The following PALM variants were observed in gnomAD, a reference collection of about 807,000 sequenced individuals.
PALM encodes the protein paralemmin.
In PALM, 18 loss-of-function variants were observed where a neutral mutation model predicts 30.7. The ratio of observed to expected loss-of-function variants is 0.59; its 90% CI spans 0.41 to 0.87. The LOEUF is 0.87. Ranked by LOEUF, PALM falls within the 40% of genes least tolerant of loss-of-function variation. The pLI is 0.00. For synonymous variants in PALM, 286 were observed against 242.8 expected, an observed-to-expected ratio of 1.18 and a Z score of -1.66; for missense variants, 529 against 555.4, an observed-to-expected ratio of 0.95 and a Z score of 0.48.
chr19:720,304 C>T (rs1302805891), intron 1 of PALM, among the ~76,000 whole-genome samples: 4 of 149,836 alleles, frequency 2.7e-5, no homozygotes, highest in Non-Finnish European at 6.0e-5. Context: ...GGGGCGGCGG[C>T]GCCCGGGTCT....
At chr19:717,592 AC>A (rs1458021198) in intron 1 of PALM, among the ~76,000 whole-genome samples, 3 of 151,522 alleles carry the variant, frequency 2.0e-5, no homozygotes, top group Non-Finnish European at 4.4e-5. Context: ...ATCTGTAGTT[AC>A]CCCCCGAGAT....
chr19:716,366 C>T (rs1019812117), intron 1 of PALM, among the ~76,000 whole-genome samples: 6 of 151,482 alleles, frequency 4.0e-5, no homozygotes, highest in African/African-American at 7.3e-5. Context: ...GCCGAGATTG[C>T]GCCACTGCCC....
At chr19:720,128 G>T (rs1174184040) in intron 1 of PALM, among the ~76,000 whole-genome samples, 1 of 151,698 alleles carries the variant, frequency 6.6e-6, no homozygotes, top group African/African-American at 2.4e-5. Flanking sequence ...GCCCGTCTAG[G>T]CCGCCCCAGG....
At chr19:721,961 C>A (rs554969714) in intron 1 of PALM, among the ~76,000 whole-genome samples, 47 of 152,036 alleles carry the variant, frequency 3.1e-4, no homozygotes, top group African/African-American at 1.1e-3. Context: ...CTCTGTCGCC[C>A]AGGCTGGAGT....
At chr19:710,996 C>T (rs1324096312) in intron 1 of PALM, among the ~76,000 whole-genome samples, 3 of 152,258 alleles carry the variant, frequency 2.0e-5, no homozygotes, top group African/African-American at 4.8e-5. Flanking sequence ...TCGCTTGCCT[C>T]CTCCCGTTTC....
chr19:717,659 T>C (rs1027005353), intron 1 of PALM, among the ~76,000 whole-genome samples: 5 of 150,942 alleles, frequency 3.3e-5, no homozygotes, highest in Non-Finnish European at 5.9e-5. Context: ...TTTACATAAG[T>C]GTAAGTCGTG....
chr19:743,966 G>A (rs866953238), intron 8 of PALM, among the ~76,000 whole-genome samples: 15 of 152,204 alleles, frequency 9.9e-5, no homozygotes, highest in South Asian at 6.2e-4. Context: ...CTGCCAAGGA[G>A]GTTTTAGGAC....
intron 4 of PALM, among the ~76,000 whole-genome samples, chr19:729,618 A>G (rs1309439711): frequency 1.3e-5 from 2 of 151,624 alleles, no homozygotes; most frequent in African/African-American, 4.9e-5. Flanking sequence ...GGTGCCCGCC[A>G]CGCCTGGCTA....
chr19:743,285 G>T (rs768171441), intron 8 of PALM, among the ~76,000 whole-genome samples: 4 of 152,122 alleles, frequency 2.6e-5, no homozygotes, highest in African/African-American at 9.7e-5. Context: ...CTCGTCTTCC[G>T]GATGAGGTCC....
chr19:719,767 G>A (rs2032395819), intron 1 of PALM: 2 of 418,172 alleles, frequency 4.8e-6, no homozygotes, highest in Non-Finnish European at 6.4e-6. Context: ...CGCCTGGCGG[G>A]CCCCGCCCGC....
At chr19:726,985 A>AGCCCCCCCC in intron 2 of PALM, 23 bp from the exon 3 acceptor site, 27 of 945,350 alleles carry the variant, frequency 2.9e-5, no homozygotes, top group East Asian at 6.1e-5. Context: ...CCCATCCCTG[A>AGCCCCCCCC]CCCCACCCGG....
At chr19:713,681 C>T (rs1442213671) in intron 1 of PALM, among the ~76,000 whole-genome samples, 2 of 152,002 alleles carry the variant, frequency 1.3e-5, no homozygotes, top group East Asian at 1.9e-4. Context: ...TGGGTTCACG[C>T]GATTCTCATG....
intron 3 of PALM, 127 bp downstream of exon 3, chr19:727,215 AC>A: frequency 4.6e-6 from 3 of 651,410 alleles, no homozygotes; most frequent in Non-Finnish European, 5.3e-6. Context: ...TCCAGCCCTG[AC>A]CCTGACCCCG....
chr19:711,061 G>A (rs1280376263), intron 1 of PALM: 5 of 361,952 alleles, frequency 1.4e-5, no homozygotes, highest in African/African-American at 2.2e-5. Context: ...GGTGGTGCCC[G>A]TCTCGCTGGA....
rs142811759 is a variant in PALM, at chr19:723,838, C to T, written c.6-2300C>T. The stretch of plus-strand genomic sequence containing the variant: ...CTCGAACTTCCGACCTCAGGTAATC[C>T]GCTCGCATCGGCCTCCCAGAGCGCT... On this transcript the variant is annotated intron_variant, in intron 1 of 8. Transcript: ENST00000338448. Among the ~76,000 whole-genome samples the T allele has an allele frequency of 7.6e-4, 115 of 152,250 alleles. No individual in the cohort carries two copies. The Middle Eastern group carries it at 0.01, about 14-fold the overall frequency.
chr19:717,544 A>G (rs966871387), intron 1 of PALM, among the ~76,000 whole-genome samples: 7 of 152,044 alleles, frequency 4.6e-5, no homozygotes, highest in African/African-American at 1.7e-4. Context: ...GTTTACCCAC[A>G]CATCTGTGGA....
At chr19:719,701 C>T (rs2032392989) in intron 1 of PALM, 1 of 871,048 alleles carries the variant, frequency 1.1e-6, no homozygotes, top group Non-Finnish European at 1.4e-6. Context: ...TCCGTGACCC[C>T]TGCGCCGGGG....
intron 1 of PALM, among the ~76,000 whole-genome samples, chr19:719,814 G>A (rs1369507197): frequency 6.6e-6 from 1 of 152,130 alleles, no homozygotes; most frequent in Non-Finnish European, 1.5e-5. Flanking sequence ...GCCCTGCCCG[G>A]CCTCAGTTTC....
chr19:737,917 C>G (rs989350992), intron 7 of PALM, among the ~76,000 whole-genome samples: 1 of 152,102 alleles, frequency 6.6e-6, no homozygotes, highest in Non-Finnish European at 1.5e-5. Context: ...GGGACTGCCC[C>G]GACTCCGTGC....
Sources: allele counts gnomAD v4.1 joint callset (sites outside exome capture counted in the v4.1 genomes callset), GRCh38; gene constraint gnomAD v4.1.1; transcripts MANE v1.5; gene names NCBI Gene and HGNC (gene_info 2026-07-23, HGNC 2026-07-21).